Variants in IL26 observed in about 807,000 individuals in gnomAD.
IL26 encodes interleukin 26, also known as interleukin-26.
In IL26, 23 loss-of-function variants were observed where a neutral mutation model predicts 21.7. The observed-to-expected ratio is 1.06, with a 90% CI of 0.76 to 1.50. The LOEUF (loss-of-function observed/expected upper bound fraction) is 1.50, where lower values mean the gene tolerates loss of function less well. IL26 is among the 40% of genes most tolerant of loss of function. The pLI is 0.00. For synonymous variants in IL26, 63 were observed against 67.8 expected (o/e 0.93, Z 0.34); for missense variants, 204 against 196.0 (o/e 1.04, Z -0.24).
chr12:68,203,722 A>T (rs1868451512), intron 3 of IL26, among the ~76,000 whole-genome samples: 1 of 152,144 alleles, frequency 6.6e-6, no homozygotes, highest in African/African-American at 2.4e-5. Context: ...CATGGTGGTG[A>T]CGGTTTTCTG....
chr12:68,205,731 TA>T (rs1868522410), intron 3 of IL26, among the ~76,000 whole-genome samples: 1 of 152,164 alleles, frequency 6.6e-6, no homozygotes, highest in African/African-American at 2.4e-5. Flanking sequence ...TTAATTTCTC[TA>T]AAAATATTTC....
chr12:68,209,978 A>G (rs2120437316), intron 3 of IL26, among the ~76,000 whole-genome samples: 1 of 152,234 alleles, frequency 6.6e-6, no homozygotes, highest in East Asian at 1.9e-4. Context: ...AGACCTCAAT[A>G]TACAACTTCA....
At chr12:68,220,538 T>C (rs994117220) in intron 3 of IL26, among the ~76,000 whole-genome samples, 4 of 152,214 alleles carry the variant, frequency 2.6e-5, no homozygotes, top group African/African-American at 9.6e-5. Context: ...TTCATGACCT[T>C]TGTGTTAAAT....
chr12:68,208,478 T>TTTTCTTTC (rs3052112), intron 3 of IL26, among the ~76,000 whole-genome samples: 43 of 150,766 alleles, frequency 2.9e-4, no homozygotes, highest in Admixed American at 9.2e-4. Context: ...GAAGAAAGCA[T>TTTTCTTTC]TTTCTTTCTT....
At chr12:68,212,737 T>C (rs962600377) in intron 3 of IL26, among the ~76,000 whole-genome samples, 4 of 152,272 alleles carry the variant, frequency 2.6e-5, no homozygotes, top group African/African-American at 9.6e-5. Flanking sequence ...ATGCTATTGA[T>C]TTTTGTATCC....
chr12:68,224,560 T>A (rs887846949), intron 3 of IL26, among the ~76,000 whole-genome samples: 1 of 149,280 alleles, frequency 6.7e-6, no homozygotes, highest in Non-Finnish European at 1.5e-5. Flanking sequence ...AAAAAGGGCA[T>A]CAGTTAGTTA....
chr12:68,220,009 C>T (rs550773328), intron 3 of IL26, among the ~76,000 whole-genome samples: 1 of 151,912 alleles, frequency 6.6e-6, no homozygotes, highest in Non-Finnish European at 1.5e-5. Flanking sequence ...TACCAAGGTT[C>T]CTTCAAAAAG....
chr12:68,223,945 A>G (rs1048971788), intron 3 of IL26, among the ~76,000 whole-genome samples: 1 of 140,622 alleles, frequency 7.1e-6, no homozygotes, highest in Admixed American at 7.8e-5. Context: ...ACTCACACTC[A>G]TAAAATGCCT....
At chr12:68,215,555 T>C (rs936626581) in intron 3 of IL26, among the ~76,000 whole-genome samples, 1 of 152,198 alleles carries the variant, frequency 6.6e-6, no homozygotes, top group Admixed American at 6.5e-5. Flanking sequence ...TGCCTCACAA[T>C]TTTGACAGAG....
chr12:68,224,628 GTAAA>G (rs1869178597), intron 3 of IL26, among the ~76,000 whole-genome samples: 1 of 146,342 alleles, frequency 6.8e-6, no homozygotes, highest in Admixed American at 6.9e-5. Context: ...AGAAAAGGAA[GTAAA>G]GAAAGAAGGA....
rs959528647 is a variant in IL26, at chr12:68,214,869, T to C, written c.363+10280A>G. On this transcript the variant is annotated intron_variant, in intron 3 of 4. Coordinates refer to ENST00000229134, the MANE Select transcript of IL26 (RefSeq NM_018402.2). ...AGGTAAAAACTTACTACTGACATTTTGTTACCTGTTTTATGTTTTTTTTTT... is the reference window on the plus strand; with the variant it reads ...AGGTAAAAACTTACTACTGACATTTCGTTACCTGTTTTATGTTTTTTTTTT... Among the ~76,000 whole-genome samples, 7 of 145,360 alleles carry C rather than the reference T, an allele frequency of 4.8e-5. No homozygotes were observed. The South Asian group carries it at 1.5e-3, about 32-fold the overall frequency.
chr12:68,223,265 T>A (rs900442659), intron 3 of IL26, among the ~76,000 whole-genome samples: 1 of 152,090 alleles, frequency 6.6e-6, no homozygotes, highest in Non-Finnish European at 1.5e-5. Context: ...AGCGCGGAGT[T>A]ACGTGTTGCC....
At chr12:68,209,642 G>A (rs1004861166) in intron 3 of IL26, among the ~76,000 whole-genome samples, 62 of 152,128 alleles carry the variant, frequency 4.1e-4, no homozygotes, top group Non-Finnish European at 4.9e-4. Context: ...TCCAAAAGCC[G>A]TGAGGGGTTT....
At chr12:68,204,333 T>A (rs1868473672) in intron 3 of IL26, among the ~76,000 whole-genome samples, 1 of 151,762 alleles carries the variant, frequency 6.6e-6, no homozygotes, top group South Asian at 2.1e-4. Flanking sequence ...TTAGTAGAGA[T>A]GGGGTTTCAC....
At chr12:68,218,298 A>C (rs191137138) in intron 3 of IL26, among the ~76,000 whole-genome samples, 1 of 152,262 alleles carries the variant, frequency 6.6e-6, no homozygotes, top group Non-Finnish European at 1.5e-5. Context: ...TTAATCAATA[A>C]GGATATTTTA....
intron 1 of IL26, 27 bp downstream of exon 1, chr12:68,225,559 T>G (rs186924643): frequency 6.2e-7 from 1 of 1,612,792 alleles, no homozygotes; most frequent in South Asian, 1.1e-5. Context: ...CTTGAGGTCA[T>G]GATTTTAAGC....
intron 3 of IL26, among the ~76,000 whole-genome samples, chr12:68,210,457 C>T (rs1301509260): frequency 7.6e-6 from 1 of 131,228 alleles, no homozygotes; most frequent in Admixed American, 8.0e-5. Context: ...TGAAAGAAAA[C>T]AACAAAATTA....
chr12:68,207,204 T>G (rs766474252), intron 3 of IL26, among the ~76,000 whole-genome samples: 20 of 152,328 alleles, frequency 1.3e-4, no homozygotes, highest in Non-Finnish European at 7.4e-5. Context: ...GTCCTTATCC[T>G]GGACTTGTCA....
chr12:68,223,782 T>G, intron 3 of IL26, among the ~76,000 whole-genome samples: 1 of 152,002 alleles, frequency 6.6e-6, no homozygotes, highest in Non-Finnish European at 1.5e-5. Flanking sequence ...TGTTGTAATT[T>G]TAATAAAATA....
Sources: gnomAD v4.1 joint callset for allele counts (sites outside exome capture counted in the v4.1 genomes callset) on GRCh38, gnomAD v4.1.1 for gene constraint, MANE v1.5 for transcripts, NCBI Gene and HGNC (gene_info 2026-07-23, HGNC 2026-07-21) for gene names.